Variants in ACACB observed in about 807,000 individuals in gnomAD.
ACACB encodes acetyl-CoA carboxylase 2.
ACACB carries 209 observed loss-of-function variants against 278.8 expected under a neutral mutation model. The ratio of observed to expected loss-of-function variants is 0.75; its 90% CI spans 0.67 to 0.84. ACACB has a LOEUF of 0.84. Among genes scored for constraint, ACACB ranks in the 40% least tolerant of loss-of-function variants. The pLI, the probability that ACACB is intolerant of heterozygous loss-of-function variation, is 0.00. For synonymous variants in ACACB, 1,174 were observed against 1,285.6 expected (o/e 0.91, Z 1.86); for missense variants, 2,850 against 3,269.0 (o/e 0.87, Z 3.13).
At chr12:109,161,960 T>C (rs990761921) in intron 2 of ACACB, among the ~76,000 whole-genome samples, 2 of 152,142 alleles carry the variant, frequency 1.3e-5, no homozygotes, top group Non-Finnish European at 2.9e-5. Context: ...CTACCTTTTT[T>C]TGTAAATAAA....
chr12:109,266,057 T>C (rs1411610449), intron 52 of ACACB, among the ~76,000 whole-genome samples, 179 bp from the exon 53 acceptor site: 1 of 152,086 alleles, frequency 6.6e-6, no homozygotes, highest in Non-Finnish European at 1.5e-5. Context: ...CTCAAGGCAT[T>C]CTGAACTTCA....
At chr12:109,264,885 TG>T (rs2047472974) in intron 50 of ACACB, among the ~76,000 whole-genome samples, 1 of 152,176 alleles carries the variant, frequency 6.6e-6, no homozygotes, top group African/African-American at 2.4e-5. Flanking sequence ...CAGGTTTTTA[TG>T]GGGGACATTT....
chr12:109,190,798 T>A (rs2044848742), intron 13 of ACACB, among the ~76,000 whole-genome samples: 1 of 151,968 alleles, frequency 6.6e-6, no homozygotes, highest in Non-Finnish European at 1.5e-5. Context: ...TGGCTGATTT[T>A]AAAATTTTTG....
At chr12:109,136,389 T>G (rs1344071562) in intron 1 of ACACB, among the ~76,000 whole-genome samples, 4 of 152,316 alleles carry the variant, frequency 2.6e-5, no homozygotes, top group Admixed American at 1.3e-4. Flanking sequence ...ACAATAAGTC[T>G]TCCAATCCAT....
chr12:109,160,125 A>C (rs34270), intron 2 of ACACB, among the ~76,000 whole-genome samples: 49,587 of 149,796 alleles, frequency 0.33, 8,466 homozygotes, highest in East Asian at 0.61. Context: ...CAAACAAAAA[A>C]CCTCAGCATT....
chr12:109,250,508 A>G (rs1181148516), intron 41 of ACACB, among the ~76,000 whole-genome samples: 1 of 152,116 alleles, frequency 6.6e-6, no homozygotes, highest in Non-Finnish European at 1.5e-5. Context: ...TCAGGGTCCA[A>G]TCTCATCTTA....
intron 7 of ACACB, among the ~76,000 whole-genome samples, chr12:109,174,638 G>C (rs2136198476): frequency 6.6e-6 from 1 of 151,838 alleles, no homozygotes; most frequent in Non-Finnish European, 1.5e-5. Context: ...TGAGGGAGGA[G>C]GATCACTTGA....
chr12:109,267,757 C>G lies in ACACB; in HGVS notation c.*1395C>G, dbSNP rs2047550584. The G allele has an allele frequency of 6.5e-6, 1 of 153,024 alleles. No homozygotes were observed. Among genetic ancestry groups the G allele is most frequent in the Non-Finnish European group, 1.5e-5 (1 of 68,696 alleles). The allele number at this position is 153,024 out of a possible 1,614,324, so 9.5% of individuals were successfully genotyped here. A position where few individuals can be genotyped will look rare whatever the true frequency, so the allele number is the denominator to read the frequency against. On this transcript the variant is annotated 3_prime_UTR_variant, in exon 53 of 53. Transcript: ENST00000338432. ...GCTCCTGGCTCTGCAGGCGGCACAG[C>G]CTGGGGCCCTGTGATCCTCTGGTTT...
At chr12:109,174,053 G>T in intron 6 of ACACB, 79 bp from the exon 7 acceptor site, 1 of 1,239,516 alleles carries the variant, frequency 8.1e-7, no homozygotes, top group East Asian at 2.6e-5. Context: ...CCCCACCACC[G>T]TGCACTCGGT....
chr12:109,197,065 A>G lies in ACACB; in HGVS notation c.2539A>G (p.Ile847Val). 6.3e-7 allele frequency: 1 copy of G among 1,595,146 alleles called. No individual in the cohort carries two copies. The highest frequency in any genetic ancestry group is 8.5e-7 in the Non-Finnish European group (1 of 1,172,714). ...VLIMNGCHIE[I>V]DAHRLNDGGL... is the part of the protein sequence containing the mutation. ...CATCATGAATGGCTGCCACATCGAG[A>G]TTGATGCCCACCGGCTGAATGATGG... The change falls in exon 17 of 53, where the codon ATT (isoleucine) becomes GTT (valine). Residue 847 changes from isoleucine to valine, a missense_variant. Around this residue, in one of 3 missense-constraint regions of ACACB, gnomAD observed 2,265 missense variants for 2,561.3 expected, o/e 0.88. Transcript: ENST00000338432.
At chr12:109,197,188 C>G in intron 17 of ACACB, 35 bp downstream of exon 17, 1 of 1,584,922 alleles carries the variant, frequency 6.3e-7, no homozygotes, top group Non-Finnish European at 8.6e-7. Context: ...GTGGGCTGGG[C>G]ATGCACAGCT....
intron 44 of ACACB, 139 bp downstream of exon 44, chr12:109,254,473 C>CA (rs2047175384): frequency 3.4e-6 from 3 of 875,704 alleles, no homozygotes; most frequent in African/African-American, 3.8e-5. Context: ...TACCTGAAAT[C>CA]AAATGCAGGG....
At chr12:109,116,530 A>G (rs2042407087), upstream of ACACB, 1 of 152,280 alleles carries the variant, frequency 6.6e-6, no homozygotes. Flanking sequence ...TAAGTGCTCC[A>G]GGGATATTTT....
chr12:109,121,801 C>T (rs1232872612), intron 1 of ACACB, among the ~76,000 whole-genome samples: 1 of 152,192 alleles, frequency 6.6e-6, no homozygotes, highest in East Asian at 1.9e-4. Context: ...GTGCTAGGCA[C>T]TGTGCTGGAG....
chr12:109,252,030 GGTCC>G lies in ACACB; in HGVS notation c.5791-15_5791-12del. ...TCGCCACTCTCCAGAATTCAGAGGGGGTCCTCTCTCCACAGGTGACCTGCCGAGC... is the reference window on the plus strand; with the variant it reads ...TCGCCACTCTCCAGAATTCAGAGGGGTCTCTCCACAGGTGACCTGCCGAGC... On this transcript the variant is annotated splice_polypyrimidine_tract_variant and intron_variant, in intron 41 of 52. Transcript: ENST00000338432. 1 of 1,594,794 alleles carries G rather than the reference GGTCC, an allele frequency of 6.3e-7. No homozygotes were observed. Among genetic ancestry groups the G allele is most frequent in the South Asian group, 1.1e-5 (1 of 88,524 alleles).
chr12:109,167,531 C>G (rs1049381860), intron 3 of ACACB, among the ~76,000 whole-genome samples: 1 of 148,046 alleles, frequency 6.8e-6, no homozygotes, highest in East Asian at 2.0e-4. Context: ...GCTGGAAGGT[C>G]GAAGCTGCAG....
At chr12:109,175,871 C>T in intron 7 of ACACB, 60 bp from the exon 8 acceptor site, 1 of 1,483,548 alleles carries the variant, frequency 6.7e-7, no homozygotes, top group Non-Finnish European at 9.4e-7. Context: ...GCTGTGGTTT[C>T]TGGGTTGTGT....
intron 16 of ACACB, among the ~76,000 whole-genome samples, chr12:109,195,912 A>AT (rs2045108957): frequency 6.6e-6 from 1 of 152,184 alleles, no homozygotes; most frequent in Non-Finnish European, 1.5e-5. Flanking sequence ...TGATCAGTTT[A>AT]AATAGCTGTG....
chr12:109,160,196 A>T (rs1386554547), intron 2 of ACACB, among the ~76,000 whole-genome samples: 2 of 152,080 alleles, frequency 1.3e-5, no homozygotes, highest in African/African-American at 4.8e-5. Flanking sequence ...TGCATGTTTT[A>T]AAAGTCCAGT....
Sources: allele counts gnomAD v4.1 joint callset (sites outside exome capture counted in the v4.1 genomes callset), GRCh38; gene constraint gnomAD v4.1.1; regional missense constraint gnomAD v4.1.1; transcripts MANE v1.5; gene names NCBI Gene and HGNC (gene_info 2026-07-23, HGNC 2026-07-21).